WNK3: variants seen among roughly 807,000 people sequenced by gnomAD.
WNK3 encodes WNK lysine deficient protein kinase 3.
In WNK3, 18 loss-of-function variants were observed where a neutral mutation model predicts 116.7. That is an observed-to-expected ratio of 0.15 (90% CI 0.11 to 0.23). The LOEUF is 0.23. Ranked by LOEUF, WNK3 falls within the 10% of genes least tolerant of loss-of-function variation. WNK3 has a pLI of 1.00. For synonymous variants in WNK3, 404 were observed against 469.4 expected (o/e 0.86, Z 1.80); for missense variants, 993 against 1,323.8 (o/e 0.75, Z 3.88).
At chrX:54,270,106 C>T (rs1159287518) in intron 10 of WNK3, among the ~76,000 whole-genome samples, 1 of 110,877 alleles carries the variant, frequency 9.0e-6, no homozygotes. Flanking sequence ...TAAAAAGCTC[C>T]TTTTTTGTGT....
chrX:54,308,470 G>A (rs782318889), intron 4 of WNK3, among the ~76,000 whole-genome samples: 1 of 111,703 alleles, frequency 9.0e-6, no homozygotes, highest in African/African-American at 3.2e-5. Context: ...GATTACAGGC[G>A]TGGGCCACCA....
At chrX:54,284,030 T>C (rs1336055584) in intron 10 of WNK3, among the ~76,000 whole-genome samples, 4 of 110,498 alleles carry the variant, frequency 3.6e-5, no homozygotes, top group African/African-American at 1.3e-4. Flanking sequence ...GTAACTACAA[T>C]AGAAAAACTT....
At chrX:54,268,549 T>C (rs1557158441) in intron 10 of WNK3, among the ~76,000 whole-genome samples, 1 of 110,458 alleles carries the variant, frequency 9.1e-6, no homozygotes, top group Non-Finnish European at 1.9e-5. Context: ...CAGAACTCCA[T>C]GGAGAAATAG....
chrX:54,324,750 T>G (rs1353285981), intron 2 of WNK3, among the ~76,000 whole-genome samples: 9 of 112,346 alleles, frequency 8.0e-5, no homozygotes, highest in African/African-American at 2.9e-4. Flanking sequence ...CTAAACAGAA[T>G]CCAGAAACAT....
At chrX:54,340,002 T>C (rs1446784623) in intron 1 of WNK3, among the ~76,000 whole-genome samples, 1 of 109,593 alleles carries the variant, frequency 9.1e-6, no homozygotes, top group Non-Finnish European at 1.9e-5. Flanking sequence ...ATACAAAAAT[T>C]AGCCAGGCAT....
exon 24 of WNK3, chrX:54,194,173 C>T (rs1162305125): frequency 8.9e-6 from 1 of 111,822 alleles, no homozygotes; most frequent in African/African-American, 3.2e-5. Flanking sequence ...AAAAGGAATG[C>T]ATCATTTTCA....
intron 10 of WNK3, among the ~76,000 whole-genome samples, chrX:54,274,180 G>A (rs2068414973): frequency 1.8e-5 from 2 of 111,346 alleles, no homozygotes; most frequent in South Asian, 3.7e-4. Context: ...AACTTCAAGA[G>A]GATCCTTAAT....
Position 54,232,545 on chromosome X carries a change from G to A in WNK3, c.4840+264C>T, listed in dbSNP as rs782272555. On this transcript the variant is annotated intron_variant, in intron 21 of 23. Coordinates refer to ENST00000354646, the Ensembl canonical transcript of WNK3. ...CTGATAACATTTCAAAAATTATTGTGGGGATTGGCATTGGGCTTCCAGCTG... is the reference window on the plus strand; with the variant it reads ...CTGATAACATTTCAAAAATTATTGTAGGGATTGGCATTGGGCTTCCAGCTG... Among the ~76,000 whole-genome samples the A allele has an allele frequency of 3.6e-5, 4 of 111,947 alleles. No homozygotes were observed. The East Asian group carries it at 1.1e-3, about 31-fold the overall frequency.
chrX:54,317,836 G>C (rs999723241), intron 2 of WNK3, among the ~76,000 whole-genome samples: 2 of 108,079 alleles, frequency 1.9e-5, no homozygotes, highest in African/African-American at 3.4e-5. Flanking sequence ...GTTTCACCAT[G>C]TTAGCCAGGA....
chrX:54,290,283 AAAAAG>A (rs1371161976), intron 10 of WNK3, among the ~76,000 whole-genome samples: 2 of 110,325 alleles, frequency 1.8e-5, no homozygotes, highest in African/African-American at 6.6e-5. Context: ...CTGAAAAAAA[AAAAAG>A]AAAGAAAGGA....
chrX:54,340,829 T>C (rs1264760399), intron 1 of WNK3, among the ~76,000 whole-genome samples: 13 of 111,579 alleles, frequency 1.2e-4, no homozygotes, highest in African/African-American at 3.9e-4. Flanking sequence ...GTAACAAGTG[T>C]TGACAAGCAC....
intron 2 of WNK3, among the ~76,000 whole-genome samples, chrX:54,332,389 ACAC>A (rs2069179634): frequency 8.9e-6 from 1 of 111,798 alleles, no homozygotes; most frequent in Admixed American, 9.6e-5. Flanking sequence ...GTTCTGAAAA[ACAC>A]CACATGAACC....
rs1214908567 is a variant in WNK3, at chrX:54,316,569, C to G, written c.538-5278G>C. Among the ~76,000 whole-genome samples, 13 of 103,609 alleles carry G rather than the reference C, an allele frequency of 1.3e-4. No individual in the cohort carries two copies. In the Admixed American group the frequency reaches 1.3e-3, roughly 10 times the overall value. 90.0% of individuals were successfully genotyped at this position (103,609 alleles called of 115,157 possible). ...AAAAAAAAAAAAAAAGACAAGAAGACAAGAGAAAGCTCACTCCCAACTCTC... is the reference window on the plus strand; with the variant it reads ...AAAAAAAAAAAAAAAGACAAGAAGAGAAGAGAAAGCTCACTCCCAACTCTC... On this transcript the variant is annotated intron_variant, in intron 2 of 23. Transcript: ENST00000354646.
At chrX:54,284,827 G>A (rs933868281) in intron 10 of WNK3, among the ~76,000 whole-genome samples, 12 of 110,120 alleles carry the variant, frequency 1.1e-4, no homozygotes, top group Admixed American at 3.9e-4. Flanking sequence ...AAAATTAGCC[G>A]GGCGTGGTGG....
intron 22 of WNK3, among the ~76,000 whole-genome samples, chrX:54,224,267 G>A (rs2067803625): frequency 9.2e-6 from 1 of 108,166 alleles, no homozygotes. Flanking sequence ...CAGGAGAATC[G>A]CTTGAACCTG....
At position 54,258,786 on chromosome X, in the gene WNK3, G is replaced by GA. The variant is rs1278656610; in HGVS notation, c.2102+487dup. On this transcript the variant is annotated intron_variant, in intron 11 of 23. Transcript: ENST00000354646. ...GAAAGTATAGAAATAAACAATCACA[G>GA]AAAAAAAAAAACACCTCACTGAATA... Among the ~76,000 whole-genome samples the GA allele has an allele frequency of 4.0e-3, 382 of 96,159 alleles. 1 individual carries two copies. Among genetic ancestry groups the GA allele is most frequent in the Non-Finnish European group, 5.0e-3 (235 of 47,422 alleles). 83.5% of individuals were successfully genotyped at this position (96,159 alleles called of 115,157 possible).
At chrX:54,199,663 G>T (rs1333929515) in intron 23 of WNK3, among the ~76,000 whole-genome samples, 1 of 111,150 alleles carries the variant, frequency 9.0e-6, no homozygotes, top group Non-Finnish European at 1.9e-5. Flanking sequence ...GTGAAACCCT[G>T]TCTCTACTAA....
At chrX:54,280,451 ACAAAAATC>A (rs1557162119) in intron 10 of WNK3, among the ~76,000 whole-genome samples, 24 of 112,155 alleles carry the variant, frequency 2.1e-4, no homozygotes, top group Admixed American at 6.7e-4. Context: ...ATGGAAACTC[ACAAAAATC>A]AGTTGTATTT....
chrX:54,247,475 T>C (rs1470953374), intron 17 of WNK3, among the ~76,000 whole-genome samples: 1 of 110,038 alleles, frequency 9.1e-6, no homozygotes, highest in Non-Finnish European at 1.9e-5. Context: ...TATATGTAAA[T>C]AAGTATATGT....
Sources: allele counts gnomAD v4.1 joint callset (sites outside exome capture counted in the v4.1 genomes callset), GRCh38; gene constraint gnomAD v4.1.1; transcripts MANE v1.5; gene names NCBI Gene and HGNC (gene_info 2026-07-23, HGNC 2026-07-21).